Variants in RNF135 observed in about 807,000 individuals in gnomAD.
RNF135 encodes the protein E3 ubiquitin-protein ligase RNF135.
RNF135 carries 46 observed loss-of-function variants against 41.9 expected under a neutral mutation model. The observed-to-expected ratio is 1.10, with a 90% CI of 0.87 to 1.40. RNF135 has a LOEUF of 1.40. Among genes scored for constraint, RNF135 ranks in the 40% most tolerant of loss-of-function variants. The pLI is 0.00. For missense variants in RNF135, 539 were observed against 549.8 expected, an observed-to-expected ratio of 0.98 and a Z score of 0.20; for synonymous variants, 238 against 223.8, an observed-to-expected ratio of 1.06 and a Z score of -0.57.
chr17:30,984,516 T>A, intron 1 of RNF135, 101 bp from the exon 2 acceptor site: 1 of 1,241,868 alleles, frequency 8.1e-7, no homozygotes. Context: ...TGTATGTCTG[T>A]TTTTATGCCA....
intron 4 of RNF135, 84 bp from the exon 5 acceptor site, chr17:30,998,578 A>G (rs1908523903): frequency 7.5e-7 from 1 of 1,330,778 alleles, no homozygotes; most frequent in East Asian, 2.3e-5. Flanking sequence ...CAAAAGATAC[A>G]AAGTTGCTAT....
At chr17:30,982,625 G>T (rs1030801955) in intron 1 of RNF135, among the ~76,000 whole-genome samples, 5 of 152,078 alleles carry the variant, frequency 3.3e-5, no homozygotes, top group African/African-American at 1.2e-4. Context: ...TTGTGTAGTT[G>T]TTAAATTTGG....
At chr17:30,975,731 CTG>C (rs943106975) in intron 1 of RNF135, 87 of 1,375,790 alleles carry the variant, frequency 6.3e-5, no homozygotes, top group Non-Finnish European at 8.5e-5. Flanking sequence ...CACTGCTCAC[CTG>C]ATTGGCCTGG....
intron 1 of RNF135, 21 bp downstream of exon 1, chr17:30,971,466 G>A (rs1177058462): frequency 3.4e-6 from 5 of 1,476,638 alleles, no homozygotes; most frequent in South Asian, 1.3e-5. Flanking sequence ...CGGGCCCGCA[G>A]CTCCCCTGGC....
At chr17:30,990,725 G>A (rs1243252008) in intron 3 of RNF135, among the ~76,000 whole-genome samples, 1 of 152,086 alleles carries the variant, frequency 6.6e-6, no homozygotes, top group Non-Finnish European at 1.5e-5. Flanking sequence ...ACAAAAGATA[G>A]CACATTATAT....
At chr17:30,966,438 T>G (rs1470141335), upstream of RNF135, among the ~76,000 whole-genome samples, 1 of 149,940 alleles carries the variant, frequency 6.7e-6, no homozygotes, top group Non-Finnish European at 1.5e-5. Flanking sequence ...TTTTATGTAT[T>G]TATTTATTTA....
intron 1 of RNF135, among the ~76,000 whole-genome samples, chr17:30,974,319 A>G (rs556641289): frequency 6.6e-6 from 1 of 152,332 alleles, no homozygotes; most frequent in South Asian, 2.1e-4. Context: ...GTAAATTTAT[A>G]AATAGAGAAG....
intron 1 of RNF135, chr17:30,978,615 T>A (rs1025124875): frequency 6.7e-6 from 1 of 149,928 alleles, no homozygotes; most frequent in Admixed American, 6.6e-5. Context: ...TTTTATTTTT[T>A]ATTTTTTTTT....
chr17:30,993,597 G>A (rs151297725), intron 3 of RNF135, among the ~76,000 whole-genome samples: 97 of 151,970 alleles, frequency 6.4e-4, no homozygotes, highest in African/African-American at 2.3e-3. Context: ...TGCTTAAAAT[G>A]TTGCTCTTAA....
In RNF135 at chr17:30,987,941, T is replaced by C; in HGVS notation, c.517-3T>C. 6.2e-7 allele frequency: 1 copy of C among 1,613,936 alleles called. No individual in the cohort carries two copies. The highest frequency in any genetic ancestry group is 8.5e-7 in the Non-Finnish European group (1 of 1,179,776). On this transcript the variant is annotated splice_polypyrimidine_tract_variant and splice_region_variant and intron_variant, in intron 2 of 4. Coordinates refer to ENST00000328381, the MANE Select transcript of RNF135 (RefSeq NM_032322.4). ...TATTCAGTTTTAAATGGTTTATCAA[T>C]AGGCTTTTTCTTCTGGGGTGGATCT... is the stretch of plus-strand genomic sequence containing the variant.
intron 1 of RNF135, among the ~76,000 whole-genome samples, chr17:30,982,616 T>C (rs999225415): frequency 6.6e-6 from 1 of 152,182 alleles, no homozygotes; most frequent in African/African-American, 2.4e-5. Flanking sequence ...GGTGCTTTTT[T>C]GTGTAGTTGT....
intron 3 of RNF135, among the ~76,000 whole-genome samples, chr17:30,991,036 C>T (rs921684632): frequency 3.9e-5 from 6 of 152,182 alleles, no homozygotes; most frequent in African/African-American, 1.2e-4. Flanking sequence ...GTTGCTGGGT[C>T]ATAGGGTAAA....
chr17:30,983,349 ATATATTTTT>A (rs1240622054), intron 1 of RNF135, among the ~76,000 whole-genome samples: 13 of 38,698 alleles, frequency 3.4e-4, no homozygotes, highest in African/African-American at 1.2e-3. Context: ...ATATATATAT[ATATATTTTT>A]TTTTTTTTTT....
At chr17:30,986,875 TTCA>T (rs1479917110) in intron 2 of RNF135, among the ~76,000 whole-genome samples, 2 of 152,226 alleles carry the variant, frequency 1.3e-5, no homozygotes, top group Non-Finnish European at 1.5e-5. Context: ...CTTCATGAAT[TTCA>T]TCTTCTTTTG....
chr17:30,981,859 A>T (rs930233711), intron 1 of RNF135, among the ~76,000 whole-genome samples: 8 of 152,230 alleles, frequency 5.3e-5, no homozygotes, highest in African/African-American at 1.9e-4. Flanking sequence ...CTGGATTACC[A>T]GGCAGAGATT....
chr17:30,981,479 GT>G, intron 1 of RNF135, among the ~76,000 whole-genome samples: 1 of 152,304 alleles, frequency 6.6e-6, no homozygotes, highest in African/African-American at 2.4e-5. Context: ...ATGTCTCCGA[GT>G]TTTCTTAAAT....
At chr17:30,982,758 C>T (rs75318666) in intron 1 of RNF135, among the ~76,000 whole-genome samples, 1,862 of 152,270 alleles carry the variant, frequency 0.012, 40 homozygotes, top group African/African-American at 0.04. Context: ...TTTAAGTATA[C>T]AGTTTGGTGA....
rs916264674 is a variant in RNF135 at position 30,971,301 on chromosome 17, G to C, written c.228G>C (p.Thr76=). 2.6e-6 allele frequency: 4 copies of C among 1,531,444 alleles called. No homozygotes were observed. In the Admixed American group the frequency reaches 6.0e-5, roughly 23 times the overall value. The allele number at this position is 1,531,444 out of a possible 1,614,324, so 94.9% of individuals were successfully genotyped here. A position where few individuals can be genotyped will look rare whatever the true frequency, so the allele number is the denominator to read the frequency against. The change falls in exon 1 of 5, where the codon ACG becomes ACC. Residue 76 remains threonine, a synonymous_variant. Transcript: ENST00000328381. The stretch of plus-strand genomic sequence containing the variant: ...AGCAGCCGCACCTGCGGAAGAACAC[G>C]CTACTGCAGGACCTGGCCGACAAGT... The part of the protein sequence containing the change: ...AAQQPHLRKN[T]LLQDLADKYR...
intron 1 of RNF135, chr17:30,979,032 C>G (rs1463749427): frequency 5.8e-6 from 1 of 172,450 alleles, no homozygotes; most frequent in East Asian, 2.0e-4. Context: ...CGGCAACCAT[C>G]CGATTTCTCA....
Sources: gnomAD v4.1 joint callset for allele counts (sites outside exome capture counted in the v4.1 genomes callset) on GRCh38, gnomAD v4.1.1 for gene constraint, MANE v1.5 for transcripts, NCBI Gene and HGNC (gene_info 2026-07-23, HGNC 2026-07-21) for gene names.